Variants in SH3D19 observed in about 807,000 individuals in gnomAD.
The protein encoded by SH3D19 is SH3 domain-containing protein 19.
In SH3D19, 58 loss-of-function variants were observed where a neutral mutation model predicts 112.1. That is an observed-to-expected ratio of 0.52 (90% CI 0.42 to 0.64). The LOEUF is 0.64. SH3D19 is among the 30% of genes least tolerant of loss of function. The pLI is 0.00. For synonymous variants in SH3D19, 391 were observed against 448.5 expected (o/e 0.87, Z 1.62); for missense variants, 1,090 against 1,263.4 (o/e 0.86, Z 2.08).
At chr4:151,210,583 T>C (rs1269771909) in intron 2 of SH3D19, among the ~76,000 whole-genome samples, 1 of 151,994 alleles carries the variant, frequency 6.6e-6, no homozygotes, top group Non-Finnish European at 1.5e-5. Flanking sequence ...TTGTATTTTT[T>C]AGTAGAGATG....
chr4:151,251,554 T>C (rs1175038241), intron 1 of SH3D19, among the ~76,000 whole-genome samples: 3 of 152,200 alleles, frequency 2.0e-5, no homozygotes, highest in Non-Finnish European at 4.4e-5. Context: ...AATAATTTTC[T>C]ACTCCATCAG....
intron 1 of SH3D19, chr4:151,228,036 C>T (rs771690559): frequency 4.0e-5 from 39 of 985,408 alleles, no homozygotes; most frequent in Non-Finnish European, 4.7e-5. Context: ...TGGCTCACAG[C>T]TCTCCTTCGT....
chr4:151,144,924 T>C (rs916534876), intron 11 of SH3D19, among the ~76,000 whole-genome samples: 7 of 152,158 alleles, frequency 4.6e-5, no homozygotes, highest in African/African-American at 1.2e-4. Context: ...GTCTGTACTA[T>C]ATAAAAGGCA....
intron 17 of SH3D19, 75 bp from the exon 18 acceptor site, chr4:151,128,431 AGTGGG>A: frequency 7.6e-7 from 1 of 1,311,870 alleles, no homozygotes. Flanking sequence ...CTTAAAAAGT[AGTGGG>A]GAAAAAAAAA....
At chr4:151,235,293 G>C (rs1203397170) in intron 1 of SH3D19, among the ~76,000 whole-genome samples, 1 of 152,038 alleles carries the variant, frequency 6.6e-6, no homozygotes. Flanking sequence ...GTGGTATTTG[G>C]TTTTCTGTGG....
At chr4:151,276,859 G>C (rs1429060765) in intron 1 of SH3D19, among the ~76,000 whole-genome samples, 1 of 152,078 alleles carries the variant, frequency 6.6e-6, no homozygotes, top group Non-Finnish European at 1.5e-5. Flanking sequence ...CTCCTTGCTA[G>C]AGACAGGGTC....
chr4:151,161,763 TC>T (rs1167822669), intron 8 of SH3D19, among the ~76,000 whole-genome samples: 75 of 143,516 alleles, frequency 5.2e-4, no homozygotes, highest in African/African-American at 1.8e-3. Context: ...AATTCATACC[TC>T]TTTTTTTTTT....
At chr4:151,128,478 G>C (rs566568912) in intron 17 of SH3D19, 122 bp from the exon 18 acceptor site, 49 of 675,548 alleles carry the variant, frequency 7.3e-5, no homozygotes, top group East Asian at 5.6e-4. Context: ...AAGCCTGAAG[G>C]CTTCTTTAAA....
intron 17 of SH3D19, among the ~76,000 whole-genome samples, chr4:151,132,025 T>C (rs1330373860): frequency 1.3e-5 from 2 of 152,044 alleles, no homozygotes; most frequent in Non-Finnish European, 1.5e-5. Flanking sequence ...GGTTTCACCA[T>C]GTTGGCCAGG....
chr4:151,315,026 G>A (rs1729854966), intron 1 of SH3D19, among the ~76,000 whole-genome samples: 1 of 152,152 alleles, frequency 6.6e-6, no homozygotes, highest in Non-Finnish European at 1.5e-5. Context: ...TAGCTTCATA[G>A]GTGGGTACAT....
rs144580267 is a variant in SH3D19, at chr4:151,230,389, G to T, written c.113-4303C>A. 6.6e-5 allele frequency among the ~76,000 whole-genome samples: 10 copies of T among 152,262 alleles called. No individual in the cohort carries two copies. In the East Asian group the frequency reaches 1.5e-3, roughly 24 times the overall value. ...AACTCAGAACTTATTAGAATCTGTT[G>T]TAAGACATTCAGGCTTTGATGATTT... is the stretch of plus-strand genomic sequence containing the variant. On this transcript the variant is annotated intron_variant, in intron 1 of 19. Coordinates refer to ENST00000604030, the MANE Select transcript of SH3D19 (RefSeq NM_001378122.1).
At chr4:151,254,726 T>C (rs6826635) in intron 1 of SH3D19, among the ~76,000 whole-genome samples, 22 of 148,488 alleles carry the variant, frequency 1.5e-4, no homozygotes, top group African/African-American at 2.9e-4. Flanking sequence ...TACTTCTTTC[T>C]ACACAGACAC....
intron 2 of SH3D19, among the ~76,000 whole-genome samples, chr4:151,219,089 A>G (rs1170972358): frequency 1.3e-5 from 2 of 152,232 alleles, no homozygotes; most frequent in Non-Finnish European, 2.9e-5. Flanking sequence ...CTGAACTGAC[A>G]AAGATTCTGA....
chr4:151,278,133 T>C (rs1311766552), intron 1 of SH3D19, among the ~76,000 whole-genome samples: 1 of 152,146 alleles, frequency 6.6e-6, no homozygotes, highest in Admixed American at 6.5e-5. Context: ...GCCAATTCAG[T>C]TAAACCAAAT....
chr4:151,238,304 T>G (rs1770285765), intron 1 of SH3D19, among the ~76,000 whole-genome samples: 1 of 152,166 alleles, frequency 6.6e-6, no homozygotes, highest in African/African-American at 2.4e-5. Context: ...TACTGGAATC[T>G]CCCATATTTC....
intron 1 of SH3D19, among the ~76,000 whole-genome samples, chr4:151,321,572 G>A (rs947745504): frequency 6.6e-6 from 1 of 152,034 alleles, no homozygotes; most frequent in African/African-American, 2.4e-5. Flanking sequence ...TTAGCCTGTG[G>A]AAATCTCCAT....
chr4:151,148,160 G>A lies in SH3D19; in HGVS notation c.1844C>T (p.Thr615Ile). 6.2e-7 allele frequency: 1 copy of A among 1,606,076 alleles called. No individual in the cohort carries two copies. Among genetic ancestry groups the A allele is most frequent in the Non-Finnish European group, 8.5e-7 (1 of 1,177,820 alleles). ...PRPVNGKTIP[T>I]QQPPTKVPPE... is the part of the protein sequence containing the mutation. ...GGGCACCTTGGTTGGAGGCTGTTGA[G>A]TTGGAATGGTTTTTCCATTCACAGG... Residue 615 changes from threonine to isoleucine, a missense_variant, in exon 11 of 20, where the codon ACT becomes ATT. Thr to Ile is a moderately conservative substitution (Grantham distance 89). Coordinates refer to ENST00000604030, the MANE Select transcript of SH3D19 (RefSeq NM_001378122.1).
At chr4:151,229,249 T>G (rs576950871) in intron 1 of SH3D19, among the ~76,000 whole-genome samples, 2 of 152,318 alleles carry the variant, frequency 1.3e-5, no homozygotes, top group African/African-American at 4.8e-5. Flanking sequence ...TCTGCATATT[T>G]AGAAATCATA....
intron 1 of SH3D19, among the ~76,000 whole-genome samples, chr4:151,302,805 G>A (rs1049615900): frequency 1.1e-4 from 16 of 151,964 alleles, no homozygotes; most frequent in Admixed American, 1.1e-3. Context: ...GTTCATAGGT[G>A]GGAACTGAAC....
Sources: allele counts gnomAD v4.1 joint callset (sites outside exome capture counted in the v4.1 genomes callset), GRCh38; gene constraint gnomAD v4.1.1; transcripts MANE v1.5; gene names NCBI Gene and HGNC (gene_info 2026-07-23, HGNC 2026-07-21).